RAPGEF4: variants seen among roughly 807,000 people sequenced by gnomAD.
RAPGEF4 encodes the protein RAP guanine-nucleotide-exchange factor (GEF) 4.
A neutral mutation model predicts 147.9 loss-of-function variants in RAPGEF4; 66 were observed. That is an observed-to-expected ratio of 0.45 (90% confidence interval 0.37 to 0.55). The LOEUF (loss-of-function observed/expected upper bound fraction) is 0.55, where lower values mean the gene tolerates loss of function less well. RAPGEF4 is among the 20% of genes least tolerant of loss of function. The pLI is 0.00. For missense variants in RAPGEF4, 1,071 were observed against 1,257.3 expected, an observed-to-expected ratio of 0.85 and a Z score of 2.24; for synonymous variants, 419 against 442.7, an observed-to-expected ratio of 0.95 and a Z score of 0.67.
chr2:172,941,872 C>T (rs938412797), intron 6 of RAPGEF4, among the ~76,000 whole-genome samples: 1 of 152,084 alleles, frequency 6.6e-6, no homozygotes, highest in Non-Finnish European at 1.5e-5. Context: ...AATAAGAACA[C>T]GCATATAAAG....
chr2:172,883,417 C>T (rs558077298), intron 4 of RAPGEF4, among the ~76,000 whole-genome samples: 1 of 152,256 alleles, frequency 6.6e-6, no homozygotes, highest in East Asian at 1.9e-4. Flanking sequence ...ATGACCTAAA[C>T]ACCTCCCATT....
intron 7 of RAPGEF4, 59 bp downstream of exon 7, chr2:172,960,872 G>A (rs1284777842): frequency 7.2e-7 from 1 of 1,389,814 alleles, no homozygotes; most frequent in Admixed American, 2.0e-5. Flanking sequence ...TACCTCTGGA[G>A]GTGGTCCATA....
At chr2:172,930,904 C>CT (rs1281926075) in intron 6 of RAPGEF4, among the ~76,000 whole-genome samples, 3 of 152,100 alleles carry the variant, frequency 2.0e-5, no homozygotes, top group Non-Finnish European at 2.9e-5. Context: ...TTCTGTCATG[C>CT]TTTTCACTCA....
At chr2:173,021,781 T>G (rs1284893612) in intron 23 of RAPGEF4, among the ~76,000 whole-genome samples, 2 of 152,152 alleles carry the variant, frequency 1.3e-5, no homozygotes, top group Non-Finnish European at 2.9e-5. Flanking sequence ...CCTGATTTTT[T>G]GTTTTAGAGA....
At chr2:172,814,889 C>T (rs758037468) in intron 4 of RAPGEF4, 16 of 230,514 alleles carry the variant, frequency 6.9e-5, no homozygotes, top group Non-Finnish European at 1.3e-4. Context: ...AATGGAGGTA[C>T]ATAAAGATGT....
At chr2:173,049,021 AG>A (rs1685854832) in intron 30 of RAPGEF4, among the ~76,000 whole-genome samples, 1 of 152,212 alleles carries the variant, frequency 6.6e-6, no homozygotes, top group African/African-American at 2.4e-5. Flanking sequence ...AACTCACATC[AG>A]CCCTTGATGA....
upstream of RAPGEF4, chr2:172,735,377 C>T (rs1169894792): frequency 2.0e-5 from 3 of 152,340 alleles, no homozygotes; most frequent in African/African-American, 7.2e-5. Flanking sequence ...CCCTCCCCTC[C>T]AGCCTTTTCT....
chr2:172,772,502 C>A (rs1366960069), intron 1 of RAPGEF4, among the ~76,000 whole-genome samples: 1 of 151,882 alleles, frequency 6.6e-6, no homozygotes, highest in Non-Finnish European at 1.5e-5. Flanking sequence ...TGCCACCAGG[C>A]CTGGCTAATT....
chr2:172,736,355 T>G (rs1574635595), intron 1 of RAPGEF4: 1 of 244,932 alleles, frequency 4.1e-6, no homozygotes, highest in Non-Finnish European at 7.8e-6. Flanking sequence ...TGGGTGGGGG[T>G]TTATTTTCTC....
Position 173,036,033 on chromosome 2 carries a change from G to T in RAPGEF4, c.2701-92G>T. 3.2e-6 allele frequency: 3 copies of T among 938,638 alleles called. No homozygotes were observed. In the Admixed American group the frequency reaches 5.2e-5, roughly 16 times the overall value. The allele number at this position is 938,638 out of a possible 1,614,324, so 58.1% of individuals were successfully genotyped here. On this transcript the variant is annotated intron_variant, in intron 27 of 30. Coordinates refer to ENST00000397081, the MANE Select transcript of RAPGEF4 (RefSeq NM_007023.4). The stretch of plus-strand genomic sequence containing the variant: ...TGTTGTTCAAAGGTCAACTGTACCT[G>T]ATTGTGGGGTGAAAGGCAGGTGTAT...
chr2:172,921,006 C>T (rs1684696442), intron 5 of RAPGEF4, among the ~76,000 whole-genome samples: 1 of 151,992 alleles, frequency 6.6e-6, no homozygotes, highest in African/African-American at 2.4e-5. Context: ...TGGATCAAAG[C>T]TTCAATTAGG....
intron 5 of RAPGEF4, 88 bp from the exon 6 acceptor site, chr2:172,922,193 C>T (rs998763220): frequency 7.9e-7 from 1 of 1,262,624 alleles, no homozygotes; most frequent in African/African-American, 1.5e-5. Flanking sequence ...TGAAATTTTA[C>T]TTGGTTTGGT....
chr2:172,985,529 C>T (rs1692158331), intron 12 of RAPGEF4, 36 bp downstream of exon 12: 1 of 1,600,554 alleles, frequency 6.2e-7, no homozygotes, highest in Non-Finnish European at 8.5e-7. Flanking sequence ...TTGCGCCTGG[C>T]CAGCACCCTT....
intron 12 of RAPGEF4, among the ~76,000 whole-genome samples, chr2:172,987,070 T>C (rs1008695633): frequency 1.3e-5 from 2 of 152,128 alleles, no homozygotes; most frequent in Non-Finnish European, 2.9e-5. Context: ...CCCAACATTT[T>C]GGGTGGCCGA....
At chr2:172,815,743 T>G (rs1688442977) in intron 4 of RAPGEF4, among the ~76,000 whole-genome samples, 1 of 152,224 alleles carries the variant, frequency 6.6e-6, no homozygotes, top group South Asian at 2.1e-4. Context: ...GATGACTTAC[T>G]CAAATTGCTG....
At chr2:172,947,690 C>T (rs535703235) in intron 6 of RAPGEF4, among the ~76,000 whole-genome samples, 4 of 152,034 alleles carry the variant, frequency 2.6e-5, no homozygotes, top group Non-Finnish European at 5.9e-5. Context: ...TTCAAAATTC[C>T]AAGGTTTCCT....
chr2:172,735,970 C>A lies in RAPGEF4; in HGVS notation c.-14C>A. The A allele has an allele frequency of 2.1e-6, 3 of 1,456,796 alleles. No homozygotes were observed. The highest frequency in any genetic ancestry group is 2.7e-6 in the Non-Finnish European group (3 of 1,101,804). The allele number at this position is 1,456,796 out of a possible 1,614,324, so 90.2% of individuals were successfully genotyped here. On this transcript the variant is annotated 5_prime_UTR_variant, in exon 1 of 31. Transcript: ENST00000397081. ...GGTCGCCGCAGCCAGGGACACCGCG[C>A]GCCGCCGCTCAACATGGTCGCTGCG...
chr2:173,046,591 G>GA (rs1043447540), intron 29 of RAPGEF4, among the ~76,000 whole-genome samples: 1 of 152,124 alleles, frequency 6.6e-6, no homozygotes, highest in Non-Finnish European at 1.5e-5. Flanking sequence ...TTAGAGAAGT[G>GA]AAAAAACAAC....
At chr2:172,752,114 T>C (rs193271287) in intron 1 of RAPGEF4, among the ~76,000 whole-genome samples, 4 of 8,222 alleles carry the variant, frequency 4.9e-4, no homozygotes, top group South Asian at 0.013. Context: ...TTGTGTGCTT[T>C]TGATCATGGA....
Sources: gnomAD v4.1 joint callset for allele counts (sites outside exome capture counted in the v4.1 genomes callset) on GRCh38, gnomAD v4.1.1 for gene constraint, MANE v1.5 for transcripts, NCBI Gene and HGNC (gene_info 2026-07-23, HGNC 2026-07-21) for gene names.